GNG4: variants seen among roughly 807,000 people sequenced by gnomAD.
The protein encoded by GNG4 is guanine nucleotide-binding protein G(I)/G(S)/G(O) subunit gamma-4.
GNG4 carries 4 observed loss-of-function variants against 5.8 expected under a neutral mutation model. The observed-to-expected ratio is 0.69, with a 90% confidence interval of 0.34 to 1.57. GNG4 has a LOEUF of 1.57. GNG4 is among the 40% of genes most tolerant of loss of function. The probability of loss-of-function intolerance (pLI) is 0.06; values close to 1 mark genes in which losing one functional copy is unlikely to be tolerated. For missense variants in GNG4, 96 were observed against 95.1 expected (o/e 1.01, Z -0.04); for synonymous variants, 29 against 32.9 (o/e 0.88, Z 0.41).
intron 1 of GNG4, among the ~76,000 whole-genome samples, chr1:235,636,708 G>T (rs992208340): frequency 6.6e-6 from 1 of 152,184 alleles, no homozygotes; most frequent in Non-Finnish European, 1.5e-5. Flanking sequence ...CCAAAGCAGG[G>T]TGGGATCCCC....
intron 3 of GNG4, among the ~76,000 whole-genome samples, chr1:235,575,139 T>G (rs1345208476): frequency 6.6e-6 from 1 of 152,152 alleles, no homozygotes; most frequent in Non-Finnish European, 1.5e-5. Flanking sequence ...TCTCTTTTCT[T>G]TGATGTCAGT....
At chr1:235,608,787 A>G (rs1571911315) in intron 1 of GNG4, among the ~76,000 whole-genome samples, 1 of 151,590 alleles carries the variant, frequency 6.6e-6, no homozygotes, top group East Asian at 1.9e-4. Flanking sequence ...GAGTTGAAGT[A>G]ATCCTCCTGC....
At chr1:235,553,859 A>C (rs1193356194) in intron 3 of GNG4, among the ~76,000 whole-genome samples, 1 of 152,188 alleles carries the variant, frequency 6.6e-6, no homozygotes, top group African/African-American at 2.4e-5. Context: ...CTCATTTGTA[A>C]AATTCAGGAG....
chr1:235,582,368 G>A lies in GNG4; in HGVS notation c.99+1372C>T, dbSNP rs144624460. On this transcript the variant is annotated intron_variant, in intron 3 of 3. Coordinates refer to ENST00000391854, the MANE Select transcript of GNG4 (RefSeq NM_001098722.2). ...GCTGCCCAGCTGCTCCACACGAGCC[G>A]TGATTAGCTCACACCGGCCTTTCCT... Among the ~76,000 whole-genome samples, 94 of 152,320 alleles carry A rather than the reference G, an allele frequency of 6.2e-4. 1 individual carries two copies. Among genetic ancestry groups the A allele is most frequent in the African/African-American group, 1.8e-3 (75 of 41,572 alleles).
chr1:235,604,269 C>T (rs963251498), intron 1 of GNG4, among the ~76,000 whole-genome samples: 11 of 152,312 alleles, frequency 7.2e-5, no homozygotes, highest in East Asian at 1.9e-4. Flanking sequence ...CATTGTCATT[C>T]GAGTCTATCG....
chr1:235,593,621 C>G (rs1688043178), intron 2 of GNG4, among the ~76,000 whole-genome samples: 1 of 152,160 alleles, frequency 6.6e-6, no homozygotes, highest in Non-Finnish European at 1.5e-5. Context: ...GGCGGCGTGT[C>G]CGGAGTTTGC....
chr1:235,628,350 C>A (rs1010893314), intron 1 of GNG4, among the ~76,000 whole-genome samples: 1 of 151,508 alleles, frequency 6.6e-6, no homozygotes, highest in Non-Finnish European at 1.5e-5. Context: ...GCATTGCCTG[C>A]AGGACCGGAG....
chr1:235,570,929 C>CATAT (rs1558478710), intron 3 of GNG4, among the ~76,000 whole-genome samples: 838 of 63,782 alleles, frequency 0.013, 14 homozygotes, highest in African/African-American at 0.071. Flanking sequence ...TATATACACA[C>CATAT]ACACACACAC....
At chr1:235,579,346 C>T (rs1687565525) in intron 3 of GNG4, among the ~76,000 whole-genome samples, 1 of 151,850 alleles carries the variant, frequency 6.6e-6, no homozygotes, top group Admixed American at 6.6e-5. Flanking sequence ...CACCATCCCC[C>T]TCAGTACTGT....
At chr1:235,581,335 C>G (rs561028889) in intron 3 of GNG4, among the ~76,000 whole-genome samples, 1 of 152,008 alleles carries the variant, frequency 6.6e-6, no homozygotes, top group Non-Finnish European at 1.5e-5. Flanking sequence ...TGAGACCATC[C>G]TCACCAACAC....
chr1:235,561,050 G>C (rs534969378), intron 3 of GNG4, among the ~76,000 whole-genome samples: 1 of 151,980 alleles, frequency 6.6e-6, no homozygotes, highest in South Asian at 2.1e-4. Flanking sequence ...TCACTCTGTC[G>C]CCAGGCTGCA....
chr1:235,558,526 C>G (rs1686976532), intron 3 of GNG4, among the ~76,000 whole-genome samples: 1 of 152,168 alleles, frequency 6.6e-6, no homozygotes, highest in African/African-American at 2.4e-5. Flanking sequence ...ATTAATTAAC[C>G]TGAGTCTGCT....
chr1:235,593,477 GAAT>G (rs955015699), intron 2 of GNG4, among the ~76,000 whole-genome samples: 39 of 152,360 alleles, frequency 2.6e-4, no homozygotes, highest in African/African-American at 9.1e-4. Context: ...TCTGTAGGCA[GAAT>G]ACTACAGCCG....
intron 2 of GNG4, among the ~76,000 whole-genome samples, 160 bp from the exon 3 acceptor site, chr1:235,584,008 C>T (rs1177789328): frequency 1.3e-5 from 2 of 152,162 alleles, no homozygotes; most frequent in African/African-American, 4.8e-5. Context: ...GAAAGGAATG[C>T]CTCATTCGAG....
At chr1:235,605,717 G>A (rs1389759824) in intron 1 of GNG4, among the ~76,000 whole-genome samples, 1 of 152,058 alleles carries the variant, frequency 6.6e-6, no homozygotes, top group East Asian at 1.9e-4. Context: ...ATGCAAGTGT[G>A]GTGTTGCAGC....
intron 3 of GNG4, among the ~76,000 whole-genome samples, chr1:235,561,758 G>A (rs1205556061): frequency 3.9e-5 from 6 of 152,294 alleles, no homozygotes; most frequent in East Asian, 1.9e-4. Flanking sequence ...TTCTCCCAGC[G>A]TGTGGCTTGT....
At chr1:235,558,180 G>A (rs1268543914) in intron 3 of GNG4, among the ~76,000 whole-genome samples, 2 of 152,204 alleles carry the variant, frequency 1.3e-5, no homozygotes, top group African/African-American at 4.8e-5. Context: ...GCCCGAATGT[G>A]TGGATCTGGG....
chr1:235,628,858 C>T (rs1688875767), intron 1 of GNG4, among the ~76,000 whole-genome samples: 1 of 152,128 alleles, frequency 6.6e-6, no homozygotes. Flanking sequence ...TTTGCCATTC[C>T]CTTCACTTTT....
At chr1:235,578,882 G>A (rs2841876) in intron 3 of GNG4, among the ~76,000 whole-genome samples, 57,279 of 152,028 alleles carry the variant, frequency 0.38, 12,440 homozygotes, top group East Asian at 0.79. Flanking sequence ...CGGATCACCT[G>A]AGACCAGGAG....
Sources: allele counts gnomAD v4.1 joint callset (sites outside exome capture counted in the v4.1 genomes callset), GRCh38; gene constraint gnomAD v4.1.1; transcripts MANE v1.5; gene names NCBI Gene and HGNC (gene_info 2026-07-23, HGNC 2026-07-21).